ADAMTS19: variants seen among roughly 807,000 people sequenced by gnomAD.
The protein encoded by ADAMTS19 is ADAM metallopeptidase with thrombospondin type 1 motif 19.
Under a neutral mutation model 153.3 loss-of-function variants are expected in ADAMTS19, and 93 were observed. The ratio of observed to expected loss-of-function variants is 0.61; its 90% confidence interval spans 0.51 to 0.72. The LOEUF (loss-of-function observed/expected upper bound fraction) is 0.72, where lower values mean the gene tolerates loss of function less well. ADAMTS19 is among the 30% of genes least tolerant of loss of function. The pLI, the probability that ADAMTS19 is intolerant of heterozygous loss-of-function variation, is 0.00. For synonymous variants in ADAMTS19, 600 were observed against 556.6 expected, an observed-to-expected ratio of 1.08 and a Z score of -1.10; for missense variants, 1,482 against 1,552.1, an observed-to-expected ratio of 0.95 and a Z score of 0.76.
intron 2 of ADAMTS19, among the ~76,000 whole-genome samples, chr5:129,481,020 T>A (rs1750389446): frequency 6.6e-6 from 1 of 152,210 alleles, no homozygotes. Context: ...GTTACATGAC[T>A]GTATATGTTT....
At chr5:129,605,712 G>A (rs1750859619) in intron 8 of ADAMTS19, among the ~76,000 whole-genome samples, 1 of 152,034 alleles carries the variant, frequency 6.6e-6, no homozygotes, top group Non-Finnish European at 1.5e-5. Context: ...TATAACTTAT[G>A]CTTGTAATAG....
chr5:129,691,329 G>A (rs1467008916), intron 18 of ADAMTS19, among the ~76,000 whole-genome samples: 1 of 152,092 alleles, frequency 6.6e-6, no homozygotes, highest in South Asian at 2.1e-4. Flanking sequence ...TGACCAAGAG[G>A]TGAAGTTAAT....
chr5:129,640,366 T>G (rs1393348508), intron 10 of ADAMTS19, among the ~76,000 whole-genome samples: 1 of 152,152 alleles, frequency 6.6e-6, no homozygotes, highest in African/African-American at 2.4e-5. Flanking sequence ...ATTAGGGTAA[T>G]TAAATATTAA....
chr5:129,619,112 AATGTTGATGAT>A (rs1751663281), intron 8 of ADAMTS19, among the ~76,000 whole-genome samples: 1 of 152,052 alleles, frequency 6.6e-6, no homozygotes, highest in African/African-American at 2.4e-5. Context: ...AAACTGCATT[AATGTTGATGAT>A]TAAGTAGAAT....
At chr5:129,599,524 G>A (rs188986134) in intron 8 of ADAMTS19, among the ~76,000 whole-genome samples, 174 of 152,160 alleles carry the variant, frequency 1.1e-3, no homozygotes, top group African/African-American at 3.9e-3. Flanking sequence ...TTTTTAAACC[G>A]ATATGTTTAA....
At chr5:129,460,804 A>C (rs1018436815) in intron 1 of ADAMTS19, 14 of 484,556 alleles carry the variant, frequency 2.9e-5, no homozygotes, top group African/African-American at 2.0e-4. Flanking sequence ...CACTTCAGAA[A>C]TCGTTTACTC....
At chr5:129,554,699 T>C (rs2126829272) in intron 7 of ADAMTS19, among the ~76,000 whole-genome samples, 1 of 152,258 alleles carries the variant, frequency 6.6e-6, no homozygotes, top group East Asian at 1.9e-4. Flanking sequence ...TGAGTCAGTA[T>C]ATCCTTATTA....
intron 18 of ADAMTS19, among the ~76,000 whole-genome samples, chr5:129,688,829 A>G (rs1755204226): frequency 6.6e-6 from 1 of 152,206 alleles, no homozygotes; most frequent in South Asian, 2.1e-4. Context: ...TGTGAAAGAA[A>G]TGTTCACTTT....
chr5:129,635,567 A>G (rs6878971), intron 10 of ADAMTS19, among the ~76,000 whole-genome samples: 14,699 of 152,294 alleles, frequency 0.097, 727 homozygotes, highest in Middle Eastern at 0.15. Flanking sequence ...ATGGAATACT[A>G]TGCAGCCATA....
At chr5:129,691,470 A>G (rs1755334219) in intron 18 of ADAMTS19, among the ~76,000 whole-genome samples, 1 of 152,168 alleles carries the variant, frequency 6.6e-6, no homozygotes, top group South Asian at 2.1e-4. Flanking sequence ...TACTGCTATT[A>G]GATGCTAGAA....
chr5:129,692,482 C>T (rs1175227046), intron 18 of ADAMTS19, among the ~76,000 whole-genome samples: 1 of 152,172 alleles, frequency 6.6e-6, no homozygotes, highest in Admixed American at 6.5e-5. Context: ...ATAGCATGGA[C>T]AGCTTCTAAG....
chr5:129,561,321 T>C (rs1308231153), intron 7 of ADAMTS19, among the ~76,000 whole-genome samples: 1 of 152,004 alleles, frequency 6.6e-6, no homozygotes, highest in East Asian at 1.9e-4. Context: ...AGTTGAAAAA[T>C]GGAGGACTAA....
At chr5:129,732,244 T>C (rs1049071743) in intron 21 of ADAMTS19, among the ~76,000 whole-genome samples, 2 of 152,042 alleles carry the variant, frequency 1.3e-5, no homozygotes, top group African/African-American at 4.8e-5. Flanking sequence ...TGGGAAAAAG[T>C]TGAATGCATT....
intron 6 of ADAMTS19, among the ~76,000 whole-genome samples, chr5:129,538,414 A>G (rs1752537857): frequency 6.6e-6 from 1 of 152,044 alleles, no homozygotes; most frequent in African/African-American, 2.4e-5. Context: ...CCTTATTTCC[A>G]ATGCCATTTT....
chr5:129,540,730 G>T (rs1220346159), intron 6 of ADAMTS19, among the ~76,000 whole-genome samples: 2 of 152,016 alleles, frequency 1.3e-5, no homozygotes, highest in Non-Finnish European at 2.9e-5. Flanking sequence ...AAACTCTACA[G>T]TGAGACTTAT....
chr5:129,615,802 A>AG (rs1751494214), intron 8 of ADAMTS19, among the ~76,000 whole-genome samples: 1 of 151,946 alleles, frequency 6.6e-6, no homozygotes, highest in Non-Finnish European at 1.5e-5. Flanking sequence ...TAGAGGTTTA[A>AG]GGAATATAGG....
chr5:129,718,344 T>C (rs1403953892), intron 21 of ADAMTS19, among the ~76,000 whole-genome samples: 1 of 151,842 alleles, frequency 6.6e-6, no homozygotes, highest in Non-Finnish European at 1.5e-5. Context: ...GAATGTTAGA[T>C]CCAAAAAAAA....
At chr5:129,574,265 G>A (rs1406405436) in intron 7 of ADAMTS19, among the ~76,000 whole-genome samples, 1 of 151,908 alleles carries the variant, frequency 6.6e-6, no homozygotes, top group Non-Finnish European at 1.5e-5. Flanking sequence ...TGTCAGAAAA[G>A]ACAACTAACT....
chr5:129,656,332 T>C (rs1227252646), intron 14 of ADAMTS19, among the ~76,000 whole-genome samples: 2 of 152,234 alleles, frequency 1.3e-5, no homozygotes, highest in African/African-American at 4.8e-5. Flanking sequence ...ATTGAAAACA[T>C]GCCTCTTTAG....
Sources: allele counts gnomAD v4.1 joint callset (sites outside exome capture counted in the v4.1 genomes callset), GRCh38; gene constraint gnomAD v4.1.1; transcripts MANE v1.5; gene names NCBI Gene and HGNC (gene_info 2026-07-23, HGNC 2026-07-21).